SPATS2L: variants seen among roughly 807,000 people sequenced by gnomAD.
SPATS2L encodes the protein spermatogenesis associated serine rich 2 like.
Under a neutral mutation model 59.6 loss-of-function variants are expected in SPATS2L, and 30 were observed. The observed-to-expected ratio is 0.50, with a 90% CI of 0.38 to 0.68. The LOEUF (loss-of-function observed/expected upper bound fraction) is 0.68. Ranked by LOEUF, SPATS2L falls within the 30% of genes least tolerant of loss-of-function variation. The pLI is 0.00. For missense variants in SPATS2L, 615 were observed against 700.0 expected, an observed-to-expected ratio of 0.88 and a Z score of 1.37; for synonymous variants, 252 against 263.5, an observed-to-expected ratio of 0.96 and a Z score of 0.42.
At chr2:200,414,077 A>G (rs2082976893) in intron 4 of SPATS2L, among the ~76,000 whole-genome samples, 2 of 152,122 alleles carry the variant, frequency 1.3e-5, no homozygotes, top group Non-Finnish European at 2.9e-5. Flanking sequence ...AAAGGCTATT[A>G]TCCCCATTCC....
chr2:200,379,925 C>T (rs751800782), intron 2 of SPATS2L, among the ~76,000 whole-genome samples: 1 of 152,076 alleles, frequency 6.6e-6, no homozygotes, highest in Non-Finnish European at 1.5e-5. Flanking sequence ...GGTACTTGCA[C>T]CAGGTCCGGG....
At chr2:200,380,272 T>C (rs2081759876) in intron 2 of SPATS2L, among the ~76,000 whole-genome samples, 1 of 152,226 alleles carries the variant, frequency 6.6e-6, no homozygotes, top group Non-Finnish European at 1.5e-5. Context: ...TGGTTAATCT[T>C]CATTCATAAG....
intron 2 of SPATS2L, among the ~76,000 whole-genome samples, chr2:200,385,944 T>C (rs1559086435): frequency 1.3e-5 from 2 of 152,176 alleles, no homozygotes; most frequent in Non-Finnish European, 2.9e-5. Context: ...CCGCCCACCT[T>C]GGCCTCCCAA....
At chr2:200,427,896 A>C (rs2083671610) in intron 6 of SPATS2L, among the ~76,000 whole-genome samples, 1 of 152,120 alleles carries the variant, frequency 6.6e-6, no homozygotes, top group African/African-American at 2.4e-5. Context: ...AACATGGCAA[A>C]CCCCATCTCT....
At chr2:200,410,413 A>ACAAAACAAC (rs1553523608) in intron 3 of SPATS2L, among the ~76,000 whole-genome samples, 1 of 4,884 alleles carries the variant, frequency 2.0e-4, no homozygotes, top group Non-Finnish European at 5.2e-3. Flanking sequence ...ACAAAACAAC[A>ACAAAACAAC]AAAAAAAACC....
chr2:200,472,349 G>A (rs538522404), intron 11 of SPATS2L, among the ~76,000 whole-genome samples: 23 of 152,278 alleles, frequency 1.5e-4, no homozygotes, highest in African/African-American at 5.3e-4. Context: ...TCAGAACATC[G>A]TGGATCTGAC....
chr2:200,472,745 T>C, intron 11 of SPATS2L, 87 bp from the exon 12 acceptor site: 1 of 1,183,298 alleles, frequency 8.5e-7, no homozygotes, highest in Non-Finnish European at 1.2e-6. Flanking sequence ...CTGGCCAGTT[T>C]CTTCATCTTC....
intron 2 of SPATS2L, among the ~76,000 whole-genome samples, chr2:200,329,923 T>C (rs907614741): frequency 6.6e-6 from 1 of 152,200 alleles, no homozygotes; most frequent in Admixed American, 6.5e-5. Context: ...GTCCTTCTTA[T>C]TGAAGAATGT....
chr2:200,417,688 A>G (rs542186910), intron 5 of SPATS2L, among the ~76,000 whole-genome samples: 3 of 152,288 alleles, frequency 2.0e-5, no homozygotes, highest in South Asian at 4.2e-4. Context: ...CTTGCCTTCA[A>G]CCTGGGACAC....
rs2082371387 is a variant in SPATS2L, at chr2:200,396,848, T to G, written c.39+7565T>G. 2.0e-5 allele frequency among the ~76,000 whole-genome samples: 3 copies of G among 152,240 alleles called. No individual in the cohort carries two copies. In the South Asian group the frequency reaches 6.2e-4, roughly 31 times the overall value. ...GCCACACAGCTTTCAGATTTCACCATGAAACAGGTTCTTGTCATCATTTTC... is the reference window on the plus strand; with the variant it reads ...GCCACACAGCTTTCAGATTTCACCAGGAAACAGGTTCTTGTCATCATTTTC... On this transcript the variant is annotated intron_variant, in intron 3 of 12. Coordinates refer to ENST00000409140, the MANE Select transcript of SPATS2L (RefSeq NM_001100423.2).
rs552174018 is a variant in SPATS2L, at chr2:200,355,752, T to G, written c.-23+26272T>G. Among the ~76,000 whole-genome samples, 41 of 152,346 alleles carry G rather than the reference T, an allele frequency of 2.7e-4. 1 individual carries two copies. The highest frequency in any genetic ancestry group is 8.2e-4 in the African/African-American group (34 of 41,586). On this transcript the variant is annotated intron_variant, in intron 2 of 12. Transcript: ENST00000409140. ...TTTTTAAACAGTGAAGCAAACACAT[T>G]TGCAGGTAATTAGAAGACAGAATAT...
At chr2:200,317,149 A>G (rs1191143565) in intron 1 of SPATS2L, among the ~76,000 whole-genome samples, 2 of 152,194 alleles carry the variant, frequency 1.3e-5, no homozygotes, top group African/African-American at 2.4e-5. Flanking sequence ...TTGCTCTCCA[A>G]TATGTGAAAG....
At chr2:200,477,149 A>C (rs1282578886) in intron 12 of SPATS2L, among the ~76,000 whole-genome samples, 1 of 152,144 alleles carries the variant, frequency 6.6e-6, no homozygotes, top group Non-Finnish European at 1.5e-5. Flanking sequence ...TTTGAGCAGG[A>C]AAACAGGAAT....
At chr2:200,332,522 C>A (rs1239671082) in intron 2 of SPATS2L, among the ~76,000 whole-genome samples, 1 of 152,164 alleles carries the variant, frequency 6.6e-6, no homozygotes. Flanking sequence ...GGTGGGATTA[C>A]AGGTGTGAGC....
chr2:200,443,372 CTT>C (rs1300032931), intron 8 of SPATS2L, among the ~76,000 whole-genome samples: 2 of 152,138 alleles, frequency 1.3e-5, no homozygotes, highest in African/African-American at 4.8e-5. Flanking sequence ...TTAGAGAAAA[CTT>C]TGAGTGAACT....
At chr2:200,343,833 A>G (rs2080414828) in intron 2 of SPATS2L, among the ~76,000 whole-genome samples, 1 of 152,176 alleles carries the variant, frequency 6.6e-6, no homozygotes, top group African/African-American at 2.4e-5. Flanking sequence ...AATGTTAACA[A>G]AAGCCAAGTA....
chr2:200,362,888 ATCC>A (rs2081153958), intron 2 of SPATS2L, among the ~76,000 whole-genome samples: 1 of 152,210 alleles, frequency 6.6e-6, no homozygotes, highest in Non-Finnish European at 1.5e-5. Flanking sequence ...AGATACACCT[ATCC>A]TCCTGCTGGA....
At chr2:200,352,777 AG>A (rs1290519164) in intron 2 of SPATS2L, among the ~76,000 whole-genome samples, 5 of 152,182 alleles carry the variant, frequency 3.3e-5, no homozygotes, top group African/African-American at 1.2e-4. Context: ...GCGAAGGTGA[AG>A]GGGTAATGAA....
rs1402301056 is a variant in SPATS2L at position 200,335,013 on chromosome 2, T to C, written c.-23+5533T>C. Among the ~76,000 whole-genome samples, 7 of 152,342 alleles carry C rather than the reference T, an allele frequency of 4.6e-5. No individual in the cohort carries two copies. In the East Asian group the frequency reaches 1.2e-3, roughly 25 times the overall value. ...CGATGCAGGCTCTTTTTTGTTTTCA[T>C]GTGAACTTTAAAGTAGTTTTTTCCA... On this transcript the variant is annotated intron_variant, in intron 2 of 12. Transcript: ENST00000409140.
Sources: allele counts gnomAD v4.1 joint callset (sites outside exome capture counted in the v4.1 genomes callset), GRCh38; gene constraint gnomAD v4.1.1; transcripts MANE v1.5; gene names NCBI Gene and HGNC (gene_info 2026-07-23, HGNC 2026-07-21).